Variants in PHF2 observed in about 807,000 individuals in gnomAD.
PHF2 encodes the protein lysine-specific demethylase PHF2.
A neutral mutation model predicts 120.5 loss-of-function variants in PHF2; 27 were observed. That is an observed-to-expected ratio of 0.22 (90% confidence interval 0.17 to 0.31). The LOEUF (loss-of-function observed/expected upper bound fraction) is 0.31, where lower values mean the gene tolerates loss of function less well. PHF2 is among the 10% of genes least tolerant of loss of function. The pLI is 1.00. For missense variants in PHF2, 1,024 were observed against 1,434.8 expected (o/e 0.71, Z 4.63); for synonymous variants, 568 against 592.5 (o/e 0.96, Z 0.60).
intron 1 of PHF2, among the ~76,000 whole-genome samples, chr9:93,627,425 T>G (rs1825930667): frequency 6.6e-6 from 1 of 151,458 alleles, no homozygotes; most frequent in African/African-American, 2.4e-5. Flanking sequence ...ATATGTAGGA[T>G]TATGTCATAT....
chr9:93,598,668 G>T (rs938222019), intron 1 of PHF2, among the ~76,000 whole-genome samples: 3 of 152,162 alleles, frequency 2.0e-5, no homozygotes, highest in African/African-American at 7.2e-5. Flanking sequence ...CCACTGAGGA[G>T]GGGCATCCAC....
rs201336093 is a variant in PHF2 at position 93,649,381 on chromosome 9, T to C, written c.602+169T>C. Among the ~76,000 whole-genome samples, 340 of 57,434 alleles carry C rather than the reference T, an allele frequency of 5.9e-3. 3 individuals are homozygous for C. The highest frequency in any genetic ancestry group is 0.022 in the African/African-American group (307 of 13,756). The allele number at this position is 57,434 out of a possible 152,430, so 37.7% of individuals were successfully genotyped here. A position where few individuals can be genotyped will look rare whatever the true frequency, so the allele number is the denominator to read the frequency against. ...TCTCTTTTAAATTTTTTCCTTTTTTTTTTTTTTTTTTTTTTTTATAAGACT... is the reference window on the plus strand; with the variant it reads ...TCTCTTTTAAATTTTTTCCTTTTTTCTTTTTTTTTTTTTTTTTATAAGACT... On this transcript the variant is annotated intron_variant, in intron 5 of 21. Coordinates refer to ENST00000359246, the MANE Select transcript of PHF2 (RefSeq NM_005392.4).
At chr9:93,645,136 A>T (rs557989773) in intron 3 of PHF2, among the ~76,000 whole-genome samples, 1 of 152,344 alleles carries the variant, frequency 6.6e-6, no homozygotes, top group Admixed American at 6.5e-5. Flanking sequence ...GGCTTTGTCC[A>T]AGGTCTTCCC....
chr9:93,644,710 A>G (rs1826225693), intron 3 of PHF2, among the ~76,000 whole-genome samples: 1 of 152,126 alleles, frequency 6.6e-6, no homozygotes, highest in Non-Finnish European at 1.5e-5. Context: ...ACAGCTGCCC[A>G]GGGGCCTCTC....
chr9:93,629,321 C>A (rs1825961242), intron 1 of PHF2, among the ~76,000 whole-genome samples: 1 of 152,212 alleles, frequency 6.6e-6, no homozygotes, highest in East Asian at 1.9e-4. Context: ...TCTTTGTGTT[C>A]ATTCCTCAAA....
At chr9:93,623,382 T>C (rs1179838364) in intron 1 of PHF2, among the ~76,000 whole-genome samples, 2 of 152,080 alleles carry the variant, frequency 1.3e-5, no homozygotes, top group African/African-American at 2.4e-5. Flanking sequence ...GAACCTGAGG[T>C]ATATGTGGCA....
intron 20 of PHF2, among the ~76,000 whole-genome samples, chr9:93,676,001 G>A (rs966225167): frequency 7.2e-5 from 11 of 152,186 alleles, no homozygotes; most frequent in Admixed American, 2.0e-4. Flanking sequence ...AGGAATTGAC[G>A]ACTGGGGCCC....
chr9:93,615,831 A>G (rs1271769037), intron 1 of PHF2, among the ~76,000 whole-genome samples: 6 of 152,186 alleles, frequency 3.9e-5, no homozygotes, highest in Non-Finnish European at 5.9e-5. Flanking sequence ...GCCTCCTTCC[A>G]GGGTGGATGG....
chr9:93,633,512 A>G (rs1826038440), intron 2 of PHF2, among the ~76,000 whole-genome samples: 1 of 152,156 alleles, frequency 6.6e-6, no homozygotes, highest in Non-Finnish European at 1.5e-5. Context: ...CAGTTGTCTC[A>G]GTGGGTGTGT....
intron 9 of PHF2, among the ~76,000 whole-genome samples, chr9:93,657,561 C>T (rs1230953922): frequency 6.6e-6 from 1 of 152,240 alleles, no homozygotes; most frequent in Non-Finnish European, 1.5e-5. Context: ...GCCTGACCCT[C>T]CCTCTCTGAG....
At chr9:93,631,009 A>C (rs951067643) in intron 2 of PHF2, among the ~76,000 whole-genome samples, 2 of 152,172 alleles carry the variant, frequency 1.3e-5, no homozygotes, top group African/African-American at 4.8e-5. Flanking sequence ...TCCCCTTCAA[A>C]GGGAGACCCC....
chr9:93,665,240 C>A (rs1826653567), intron 14 of PHF2, among the ~76,000 whole-genome samples: 1 of 152,232 alleles, frequency 6.6e-6, no homozygotes, highest in Non-Finnish European at 1.5e-5. Context: ...AAGACCAATT[C>A]AGCATGTGCC....
chr9:93,669,206 C>T (rs1826736918), intron 17 of PHF2, among the ~76,000 whole-genome samples: 1 of 152,240 alleles, frequency 6.6e-6, no homozygotes, highest in Non-Finnish European at 1.5e-5. Flanking sequence ...CCCAGCCCCC[C>T]GTGGCTAAGT....
At chr9:93,617,406 C>G (rs898033435) in intron 1 of PHF2, among the ~76,000 whole-genome samples, 1 of 152,168 alleles carries the variant, frequency 6.6e-6, no homozygotes, top group African/African-American at 2.4e-5. Context: ...GCTGCCCTTG[C>G]CTGAGGATCT....
chr9:93,657,122 G>A (rs574334427), intron 9 of PHF2, among the ~76,000 whole-genome samples: 2 of 152,036 alleles, frequency 1.3e-5, no homozygotes, highest in South Asian at 4.1e-4. Flanking sequence ...GATGAGAGCA[G>A]GTGGCTCCTG....
chr9:93,637,208 G>A (rs886697734), intron 3 of PHF2, among the ~76,000 whole-genome samples: 1 of 152,180 alleles, frequency 6.6e-6, no homozygotes, highest in African/African-American at 2.4e-5. Flanking sequence ...CTTCTTGCAT[G>A]TGTGATTTCT....
chr9:93,654,704 G>T, intron 7 of PHF2, 129 bp downstream of exon 7: 1 of 895,684 alleles, frequency 1.1e-6, no homozygotes, highest in Non-Finnish European at 1.8e-6. Context: ...CTGCTCCCTT[G>T]TCCTGAGCAT....
intron 1 of PHF2, among the ~76,000 whole-genome samples, chr9:93,621,822 A>T (rs1825832468): frequency 6.6e-6 from 1 of 151,962 alleles, no homozygotes; most frequent in African/African-American, 2.4e-5. Context: ...TATTTTAAGG[A>T]CATGTTGATT....
Position 93,656,422 on chromosome 9 carries a change from G to A in PHF2, c.1041-67G>A. The A allele has an allele frequency of 8.7e-7, 1 of 1,146,142 alleles. No individual in the cohort carries two copies. The highest frequency in any genetic ancestry group is 1.3e-6 in the Non-Finnish European group (1 of 762,030). 71.0% of individuals were successfully genotyped at this position (1,146,142 alleles called of 1,614,324 possible). A position where few individuals can be genotyped will look rare whatever the true frequency, so the allele number is the denominator to read the frequency against. On this transcript the variant is annotated intron_variant, in intron 8 of 21. Coordinates refer to ENST00000359246, the MANE Select transcript of PHF2 (RefSeq NM_005392.4). This position sits in a 1 kb window ranked among gnomAD's most constrained non-coding sequence, Gnocchi z 4.1. The stretch of plus-strand genomic sequence containing the variant: ...GCCTGAGCTGGTGTGTCTGGGGCCT[G>A]GATTGATGCCCAGCGTCGCCTGCTT...
Sources: allele counts gnomAD v4.1 joint callset (sites outside exome capture counted in the v4.1 genomes callset), GRCh38; gene constraint gnomAD v4.1.1; non-coding constraint Gnocchi (gnomAD v3.1); transcripts MANE v1.5; gene names NCBI Gene and HGNC (gene_info 2026-07-23, HGNC 2026-07-21).